The following STK39 variants were observed in gnomAD, a reference collection of about 807,000 sequenced individuals.
STK39 encodes the protein STE20/SPS1-related proline-alanine-rich protein kinase.
A neutral mutation model predicts 77.8 loss-of-function variants in STK39; 20 were observed. That is an observed-to-expected ratio of 0.26 (90% CI 0.18 to 0.37). The LOEUF (loss-of-function observed/expected upper bound fraction) is 0.37. Ranked by LOEUF, STK39 falls within the 10% of genes least tolerant of loss-of-function variation. STK39 has a pLI of 1.00. For missense variants in STK39, 479 were observed against 656.5 expected, an observed-to-expected ratio of 0.73 and a Z score of 2.95; for synonymous variants, 246 against 234.1, an observed-to-expected ratio of 1.05 and a Z score of -0.47.
intron 10 of STK39, among the ~76,000 whole-genome samples, chr2:168,113,511 G>A (rs990825557): frequency 1.3e-5 from 2 of 152,230 alleles, no homozygotes; most frequent in African/African-American, 4.8e-5. Flanking sequence ...ATAAATGACA[G>A]TGAGGTGGGC....
rs181209690 is a variant in STK39 at position 168,181,386 on chromosome 2, A to C, written c.321+592T>G. ...AATGTTCCTTCAACCAACCATTGCT[A>C]CTATAGTCATATCCACACTGACAAG... On this transcript the variant is annotated intron_variant, in intron 2 of 17. Coordinates refer to ENST00000355999, the MANE Select transcript of STK39 (RefSeq NM_013233.3). Among the ~76,000 whole-genome samples the C allele has an allele frequency of 9.5e-4, 144 of 152,332 alleles. 2 individuals are homozygous for C. In the East Asian group the frequency reaches 0.023, roughly 24 times the overall value.
intron 1 of STK39, among the ~76,000 whole-genome samples, chr2:168,223,156 CTGGAGTTTCCTCCAAT>C (rs1280984162): frequency 2.0e-5 from 3 of 152,134 alleles, no homozygotes; most frequent in Admixed American, 2.0e-4. Context: ...CAGGGTCTGC[CTGGAGTTTCCTCCAAT>C]TGCCAAGTGA....
chr2:168,144,641 A>ATT (rs1553534599), intron 5 of STK39, among the ~76,000 whole-genome samples: 3 of 149,086 alleles, frequency 2.0e-5, no homozygotes, highest in African/African-American at 7.4e-5. Flanking sequence ...TATAAGACTC[A>ATT]TTTTTTTTTT....
intron 14 of STK39, among the ~76,000 whole-genome samples, chr2:168,025,297 C>G (rs751519624): frequency 6.6e-6 from 1 of 152,186 alleles, no homozygotes; most frequent in Non-Finnish European, 1.5e-5. Flanking sequence ...CAAAAAGACA[C>G]CAAAAGGCAC....
chr2:168,210,378 G>A (rs1689860315), intron 1 of STK39, among the ~76,000 whole-genome samples: 1 of 152,110 alleles, frequency 6.6e-6, no homozygotes, highest in African/African-American at 2.4e-5. Flanking sequence ...TCAGAGAATT[G>A]CTATGAAAGA....
chr2:168,032,781 T>G (rs114578412), intron 14 of STK39, among the ~76,000 whole-genome samples: 3,041 of 152,242 alleles, frequency 0.02, 109 homozygotes, highest in African/African-American at 0.069. Context: ...GGAAAGAAGC[T>G]CTGAAGGAAA....
intron 1 of STK39, among the ~76,000 whole-genome samples, chr2:168,219,611 T>C (rs1468757301): frequency 6.6e-6 from 1 of 152,092 alleles, no homozygotes; most frequent in Non-Finnish European, 1.5e-5. Flanking sequence ...TCTAACCCAT[T>C]CCTGACTTTT....
intron 10 of STK39, among the ~76,000 whole-genome samples, chr2:168,115,557 AT>A (rs2105478061): frequency 6.6e-6 from 1 of 152,342 alleles, no homozygotes; most frequent in East Asian, 1.9e-4. Flanking sequence ...ACAATCTAGT[AT>A]TTATCAAGAA....
At chr2:168,010,576 A>G (rs1481092190) in intron 16 of STK39, among the ~76,000 whole-genome samples, 1 of 152,246 alleles carries the variant, frequency 6.6e-6, no homozygotes, top group Non-Finnish European at 1.5e-5. Context: ...CTCACTCCAC[A>G]TAAATGCACG....
chr2:168,139,663 T>C (rs558237291), intron 7 of STK39, among the ~76,000 whole-genome samples: 1 of 152,232 alleles, frequency 6.6e-6, no homozygotes, highest in South Asian at 2.1e-4. Flanking sequence ...TAAAATAGCA[T>C]TATAATTTCA....
At chr2:168,076,075 T>G (rs1686069982) in intron 10 of STK39, among the ~76,000 whole-genome samples, 1 of 152,190 alleles carries the variant, frequency 6.6e-6, no homozygotes, top group African/African-American at 2.4e-5. Context: ...AAAAATTTAC[T>G]AAGATGTAAT....
At chr2:168,237,322 T>C (rs1011367383) in intron 1 of STK39, among the ~76,000 whole-genome samples, 11 of 152,364 alleles carry the variant, frequency 7.2e-5, no homozygotes, top group African/African-American at 2.6e-4. Flanking sequence ...TGAAGTTGCC[T>C]ATCAGCTTAA....
intron 16 of STK39, among the ~76,000 whole-genome samples, chr2:167,968,853 G>A (rs923655534): frequency 1.3e-5 from 2 of 152,096 alleles, no homozygotes; most frequent in Non-Finnish European, 2.9e-5. Flanking sequence ...ATCCAGCCAC[G>A]CATACAGAAA....
chr2:168,045,365 C>A (rs1685212762), intron 14 of STK39, among the ~76,000 whole-genome samples: 1 of 151,270 alleles, frequency 6.6e-6, no homozygotes, highest in African/African-American at 2.4e-5. Flanking sequence ...CACCCCCACA[C>A]CCCCTGCAGC....
chr2:168,130,900 G>C (rs1392100327), intron 8 of STK39, among the ~76,000 whole-genome samples: 2 of 152,132 alleles, frequency 1.3e-5, no homozygotes, highest in East Asian at 3.8e-4. Flanking sequence ...AACTGTTCTA[G>C]ACTCAACAGA....
At chr2:168,243,410 C>G (rs138209769) in intron 1 of STK39, among the ~76,000 whole-genome samples, 34 of 152,342 alleles carry the variant, frequency 2.2e-4, no homozygotes, top group African/African-American at 7.0e-4. Flanking sequence ...AAGGAACCCT[C>G]TGTCAAACCA....
At chr2:168,181,242 C>T (rs934763775) in intron 2 of STK39, among the ~76,000 whole-genome samples, 8 of 152,090 alleles carry the variant, frequency 5.3e-5, no homozygotes, top group Non-Finnish European at 7.4e-5. Flanking sequence ...GAAAATTGGC[C>T]GGTAGAACAA....
chr2:168,169,199 T>G (rs1256922054), intron 2 of STK39, among the ~76,000 whole-genome samples: 1 of 152,188 alleles, frequency 6.6e-6, no homozygotes, highest in Non-Finnish European at 1.5e-5. Context: ...GAGGTTCAGT[T>G]TCCATCTGTT....
rs552964287 is a variant in STK39 at position 168,101,514 on chromosome 2, G to A, written c.1090-26283C>T. 1.1e-4 allele frequency among the ~76,000 whole-genome samples: 16 copies of A among 152,220 alleles called. No individual in the cohort carries two copies. The East Asian group carries it at 3.1e-3, about 29-fold the overall frequency. ...GCACTTTGGGAGGATGAGGCAGGTG[G>A]ATCACTTGAGGCCAAGAGTTCAAGA... On this transcript the variant is annotated intron_variant, in intron 10 of 17. Coordinates refer to ENST00000355999, the MANE Select transcript of STK39 (RefSeq NM_013233.3).
Sources: allele counts gnomAD v4.1 joint callset (sites outside exome capture counted in the v4.1 genomes callset), GRCh38; gene constraint gnomAD v4.1.1; transcripts MANE v1.5; gene names NCBI Gene and HGNC (gene_info 2026-07-23, HGNC 2026-07-21).